TMEM207: variants seen among roughly 807,000 people sequenced by gnomAD.
TMEM207 encodes transmembrane protein 207.
TMEM207 carries 15 observed loss-of-function variants against 17.4 expected under a neutral mutation model. The ratio of observed to expected loss-of-function variants is 0.86; its 90% CI spans 0.58 to 1.33. The LOEUF is 1.33. TMEM207 is among the 40% of genes most tolerant of loss of function. The probability of loss-of-function intolerance (pLI) is 0.00; values close to 1 mark genes in which losing one functional copy is unlikely to be tolerated. For synonymous variants in TMEM207, 70 were observed against 65.6 expected, an observed-to-expected ratio of 1.07 and a Z score of -0.33; for missense variants, 205 against 173.8, an observed-to-expected ratio of 1.18 and a Z score of -1.01.
intron 2 of TMEM207, chr3:190,444,356 C>T: frequency 9.5e-6 from 9 of 946,304 alleles, no homozygotes; most frequent in Non-Finnish European, 1.1e-5. Flanking sequence ...CCCAAATGCT[C>T]TGTCTGCAGA....
At chr3:190,441,042 C>T (rs188963153) in intron 3 of TMEM207, among the ~76,000 whole-genome samples, 201 of 152,100 alleles carry the variant, frequency 1.3e-3, no homozygotes, top group African/African-American at 4.6e-3. Flanking sequence ...GCACTGCAGC[C>T]TGGGCGACAG....
At chr3:190,434,324 G>C (rs1461519627) in intron 4 of TMEM207, among the ~76,000 whole-genome samples, 1 of 152,082 alleles carries the variant, frequency 6.6e-6, no homozygotes, top group Non-Finnish European at 1.5e-5. Flanking sequence ...TTGAGTGGTG[G>C]GGTGGTTTCC....
At chr3:190,430,519 T>TA (rs1719669946) in intron 4 of TMEM207, among the ~76,000 whole-genome samples, 1 of 149,492 alleles carries the variant, frequency 6.7e-6, no homozygotes. Context: ...AAAGATGGTT[T>TA]TATATATATA....
intron 4 of TMEM207, among the ~76,000 whole-genome samples, chr3:190,430,195 A>C (rs987743939): frequency 2.0e-5 from 3 of 152,164 alleles, no homozygotes; most frequent in Admixed American, 2.0e-4. Context: ...AAACAGTAAA[A>C]ATGTTAAGCT....
At chr3:190,443,968 T>G (rs1719991353) in intron 2 of TMEM207, among the ~76,000 whole-genome samples, 1 of 152,234 alleles carries the variant, frequency 6.6e-6, no homozygotes, top group African/African-American at 2.4e-5. Context: ...ACGATTTCCT[T>G]TTGTTACTTT....
chr3:190,444,671 T>C (rs564372834), intron 2 of TMEM207, among the ~76,000 whole-genome samples: 2 of 152,208 alleles, frequency 1.3e-5, no homozygotes, highest in South Asian at 2.1e-4. Flanking sequence ...AGAGAGAATA[T>C]TGGTTATATA....
rs1301808540 is a variant in TMEM207 at position 190,433,509 on chromosome 3, G to T, written c.305-3778C>A. 4.6e-5 allele frequency among the ~76,000 whole-genome samples: 7 copies of T among 151,936 alleles called. No individual in the cohort carries two copies. The East Asian group carries it at 1.3e-3, about 29-fold the overall frequency. On this transcript the variant is annotated intron_variant, in intron 4 of 4. Coordinates refer to ENST00000354905, the MANE Select transcript of TMEM207 (RefSeq NM_207316.3). ...TTACCCTATCATAATTATAGTCCTT[G>T]GATTTATGAACTGCTGAGCGATGAC... is the stretch of plus-strand genomic sequence containing the variant.
intron 4 of TMEM207, among the ~76,000 whole-genome samples, chr3:190,432,084 A>G (rs111338562): frequency 0.022 from 3,417 of 152,364 alleles, 60 homozygotes; most frequent in South Asian, 0.056. Flanking sequence ...TAAAAATGCC[A>G]GCAAAAATCC....
intron 4 of TMEM207, among the ~76,000 whole-genome samples, chr3:190,432,302 G>A (rs952871372): frequency 6.6e-6 from 1 of 152,036 alleles, no homozygotes; most frequent in Non-Finnish European, 1.5e-5. Context: ...TTCTATGGGA[G>A]TGGCCAGAAG....
chr3:190,444,551 G>T, intron 2 of TMEM207: 1 of 645,732 alleles, frequency 1.5e-6, no homozygotes, highest in Non-Finnish European at 1.9e-6. Context: ...ATCAGACAGA[G>T]AATAGGCCAA....
intron 4 of TMEM207, among the ~76,000 whole-genome samples, chr3:190,438,944 C>T (rs1719862445): frequency 6.6e-6 from 1 of 151,984 alleles, no homozygotes; most frequent in African/African-American, 2.4e-5. Flanking sequence ...AATCCCAGCA[C>T]TTTGGGAGGC....
At chr3:190,441,769 T>C (rs1163674383) in intron 2 of TMEM207, among the ~76,000 whole-genome samples, 2 of 152,216 alleles carry the variant, frequency 1.3e-5, no homozygotes, top group African/African-American at 4.8e-5. Flanking sequence ...CTGTTAAGCA[T>C]TGAGAAGGCA....
chr3:190,441,809 G>A (rs1157395272), intron 2 of TMEM207, among the ~76,000 whole-genome samples: 2 of 152,176 alleles, frequency 1.3e-5, no homozygotes, highest in South Asian at 2.1e-4. Flanking sequence ...ACAACAAATC[G>A]TAGGTGTTTG....
At position 190,440,292 on chromosome 3, in the gene TMEM207, T is replaced by G; in HGVS notation, c.256A>C (p.Arg86=). Residue 86 remains arginine, a synonymous_variant, in exon 4 of 5, where the codon AGG becomes CGG. Transcript: ENST00000354905. ...WLRRPRIDSH[R]RTMAVFAVGD... The stretch of plus-strand genomic sequence containing the variant: ...ACAGCAAAAACTGCCATGGTGCGCC[T>G]GTGAGAATCAATTCGGGGTCTCCTC... 4 of 1,614,006 alleles carry G rather than the reference T, an allele frequency of 2.5e-6. No individual in the cohort carries two copies. Among genetic ancestry groups the G allele is most frequent in the Non-Finnish European group, 3.4e-6 (4 of 1,179,986 alleles).
At chr3:190,436,346 G>A (rs1239509356) in intron 4 of TMEM207, among the ~76,000 whole-genome samples, 1 of 152,146 alleles carries the variant, frequency 6.6e-6, no homozygotes, top group Non-Finnish European at 1.5e-5. Context: ...GAAATGGCAG[G>A]GAGTCCAGAA....
chr3:190,441,406 T>A (rs764916083), intron 3 of TMEM207, 32 bp downstream of exon 3: 2 of 1,562,336 alleles, frequency 1.3e-6, no homozygotes, highest in South Asian at 1.1e-5. Context: ...TACCACCAAC[T>A]GTCATATAAA....
Position 190,449,848 on chromosome 3 carries a change from C to G in TMEM207, c.-39G>C, listed in dbSNP as rs1720124732. On this transcript the variant is annotated 5_prime_UTR_variant, in exon 1 of 5. Coordinates refer to ENST00000354905, the MANE Select transcript of TMEM207 (RefSeq NM_207316.3). ...TCAACTTAGGATAGTGGTTTGGTGC[C>G]TGTGTTTATTTCCTTCTTTCTCAGA... 6.3e-7 allele frequency: 1 copy of G among 1,578,474 alleles called. No individual in the cohort carries two copies. The highest frequency in any genetic ancestry group is 8.7e-7 in the Non-Finnish European group (1 of 1,148,254).
At chr3:190,439,108 G>A (rs375828434) in intron 4 of TMEM207, among the ~76,000 whole-genome samples, 23 of 146,974 alleles carry the variant, frequency 1.6e-4, no homozygotes, top group Admixed American at 3.4e-4. Context: ...ACCCGGGAGG[G>A]GGAGCTTGCA....
intron 2 of TMEM207, among the ~76,000 whole-genome samples, chr3:190,445,066 G>A (rs1272562266): frequency 6.6e-6 from 1 of 152,152 alleles, no homozygotes; most frequent in Non-Finnish European, 1.5e-5. Context: ...ATATAACTTT[G>A]TGGTTGAAAT....
Sources: allele counts gnomAD v4.1 joint callset (sites outside exome capture counted in the v4.1 genomes callset), GRCh38; gene constraint gnomAD v4.1.1; transcripts MANE v1.5; gene names NCBI Gene and HGNC (gene_info 2026-07-23, HGNC 2026-07-21).